SVEP1: variants seen among roughly 807,000 people sequenced by gnomAD.
SVEP1 encodes the protein sushi, von Willebrand factor type A, EGF and pentraxin domain containing 1.
A neutral mutation model predicts 367.3 loss-of-function variants in SVEP1; 164 were observed. That is an observed-to-expected ratio of 0.45 (90% CI 0.39 to 0.51). SVEP1 has a LOEUF of 0.51. SVEP1 is among the 20% of genes least tolerant of loss of function. SVEP1 has a pLI of 0.00. For missense variants in SVEP1, 4,117 were observed against 4,425.3 expected (o/e 0.93, Z 1.98); for synonymous variants, 1,666 against 1,611.6 (o/e 1.03, Z -0.81).
chr9:110,506,675 T>G (rs1829631324), intron 5 of SVEP1, among the ~76,000 whole-genome samples: 1 of 152,166 alleles, frequency 6.6e-6, no homozygotes, highest in African/African-American at 2.4e-5. Flanking sequence ...TGAAAGAGTT[T>G]ATAATCTTGT....
intron 5 of SVEP1, 129 bp downstream of exon 5, chr9:110,512,797 T>C (rs1331587119): frequency 1.8e-6 from 2 of 1,091,968 alleles, no homozygotes; most frequent in Non-Finnish European, 2.7e-6. Context: ...TCCTATAATT[T>C]TTCTCTTTCT....
At chr9:110,562,096 G>T (rs191832041) in intron 1 of SVEP1, among the ~76,000 whole-genome samples, 1 of 151,948 alleles carries the variant, frequency 6.6e-6, no homozygotes, top group Admixed American at 6.6e-5. Context: ...GAAATGGTAC[G>T]CACAGGAGTT....
Position 110,535,625 on chromosome 9 carries a change from T to G in SVEP1, c.964+10490A>C, listed in dbSNP as rs147834314. ...GAGGTATGGCCATAGTAATACTGAT[T>G]CTTCCTACCCATGAGCATGGAAGGT... On this transcript the variant is annotated intron_variant, in intron 3 of 47. Coordinates refer to ENST00000374469, the MANE Select transcript of SVEP1 (RefSeq NM_153366.4). Among the ~76,000 whole-genome samples, 11 of 152,274 alleles carry G rather than the reference T, an allele frequency of 7.2e-5. No homozygotes were observed. In the East Asian group the frequency reaches 2.1e-3, roughly 29 times the overall value.
At chr9:110,517,625 T>C (rs1431367659) in intron 3 of SVEP1, among the ~76,000 whole-genome samples, 1 of 140,444 alleles carries the variant, frequency 7.1e-6, no homozygotes, top group Non-Finnish European at 1.6e-5. Context: ...TGTAAAAAAT[T>C]AGGTGAGCAT....
At chr9:110,457,533 T>C (rs1372133859) in intron 20 of SVEP1, among the ~76,000 whole-genome samples, 181 bp from the exon 21 acceptor site, 1 of 152,286 alleles carries the variant, frequency 6.6e-6, no homozygotes, top group Non-Finnish European at 1.5e-5. Flanking sequence ...GGGGAGCAAA[T>C]GATATATATC....
chr9:110,458,837 A>C (rs1828815181), intron 19 of SVEP1, 115 bp downstream of exon 19: 4 of 1,316,136 alleles, frequency 3.0e-6, no homozygotes, highest in Admixed American at 5.1e-5. Context: ...CAATTTAACA[A>C]CTCCAGATGC....
At chr9:110,494,756 G>T (rs10980409) in intron 8 of SVEP1, among the ~76,000 whole-genome samples, 32,312 of 150,912 alleles carry the variant, frequency 0.21, 4,110 homozygotes, top group East Asian at 0.47. Context: ...ATATAGTGGG[G>T]TTTTTTTCCC....
At chr9:110,374,176 C>G (rs1827316668) in intron 46 of SVEP1, among the ~76,000 whole-genome samples, 2 of 152,124 alleles carry the variant, frequency 1.3e-5, no homozygotes, top group South Asian at 4.1e-4. Context: ...CAAGTAGGCT[C>G]CAGTGTCTAT....
In SVEP1 at chr9:110,375,483, A is replaced by AG; in HGVS notation, c.10505-21_10505-20insC. 6.6e-7 allele frequency: 1 copy of AG among 1,508,390 alleles called. No homozygotes were observed. Among genetic ancestry groups the AG allele is most frequent in the East Asian group, 2.5e-5 (1 of 40,420 alleles). 93.4% of individuals were successfully genotyped at this position (1,508,390 alleles called of 1,614,324 possible). A position where few individuals can be genotyped will look rare whatever the true frequency, so the allele number is the denominator to read the frequency against. ...AGATTGCTAAAAAAAAAAAAAAAAAAAAAAAAAGGAGGCAGGGGGGATTGA... is the reference window on the plus strand; with the variant it reads ...AGATTGCTAAAAAAAAAAAAAAAAAAGAAAAAAAGGAGGCAGGGGGGATTGA... On this transcript the variant is annotated intron_variant, in intron 45 of 47. Transcript: ENST00000374469.
At position 110,427,737 on chromosome 9, in the gene SVEP1, A is replaced by G; in HGVS notation, c.5829T>C (p.Ile1943=). Residue 1943 remains isoleucine (I), a synonymous_variant, in exon 36 of 48, where the codon ATT becomes ATC. Coordinates refer to ENST00000374469, the MANE Select transcript of SVEP1 (RefSeq NM_153366.4). ...TGYSLQGPSI[I]ECTASGIWDR... ...CCCAGATGCCAGAAGCCGTGCATTC[A>G]ATAATGGAAGGGCCCTGTAAGCTGC... The G allele has an allele frequency of 6.2e-7, 1 of 1,613,054 alleles. No homozygotes were observed. Among genetic ancestry groups the G allele is most frequent in the Non-Finnish European group, 8.5e-7 (1 of 1,179,478 alleles).
intron 47 of SVEP1, among the ~76,000 whole-genome samples, chr9:110,366,827 T>G (rs1046342457): frequency 1.3e-5 from 2 of 152,216 alleles, no homozygotes; most frequent in African/African-American, 4.8e-5. Flanking sequence ...CTTACAATTC[T>G]CTCTTCTGTA....
intron 6 of SVEP1, 138 bp downstream of exon 6, chr9:110,502,900 A>G: frequency 1.3e-6 from 1 of 799,030 alleles, no homozygotes; most frequent in Non-Finnish European, 1.9e-6. Flanking sequence ...TGTATCTGTA[A>G]CACCTGCACC....
At position 110,366,490 on chromosome 9, in the gene SVEP1, C is replaced by T. The variant is rs776848492; in HGVS notation, c.*49G>A. The T allele has an allele frequency of 1.9e-5, 29 of 1,527,812 alleles. No homozygotes were observed. In the African/African-American group the frequency reaches 2.7e-4, roughly 14 times the overall value. The allele number at this position is 1,527,812 out of a possible 1,614,324, so 94.6% of individuals were successfully genotyped here. ...AAGTTCCAGGATGCCCAGGCACTAC[C>T]GAGGAGAGATGATCCTGCTTTTGGG... On this transcript the variant is annotated 3_prime_UTR_variant, in exon 48 of 48. Transcript: ENST00000374469.
At chr9:110,387,552 T>C in intron 41 of SVEP1, 94 bp from the exon 42 acceptor site, 1 of 1,317,226 alleles carries the variant, frequency 7.6e-7, no homozygotes, top group South Asian at 1.6e-5. Context: ...ATGGAATATA[T>C]AAAATATTAT....
chr9:110,484,895 C>T (rs779993323), intron 9 of SVEP1, among the ~76,000 whole-genome samples: 4 of 152,152 alleles, frequency 2.6e-5, no homozygotes, highest in South Asian at 2.1e-4. Flanking sequence ...TACCATCTCA[C>T]GTCAGTCAGA....
intron 3 of SVEP1, among the ~76,000 whole-genome samples, chr9:110,527,255 G>C (rs978233372): frequency 6.6e-6 from 1 of 151,920 alleles, no homozygotes; most frequent in Non-Finnish European, 1.5e-5. Flanking sequence ...TCTTAAAATT[G>C]CATGTGACTC....
At chr9:110,570,440 G>T (rs1364677880) in intron 1 of SVEP1, among the ~76,000 whole-genome samples, 20 of 149,838 alleles carry the variant, frequency 1.3e-4, no homozygotes, top group African/African-American at 4.9e-4. Context: ...CTGACTTCTG[G>T]GAAACTAAGA....
intron 30 of SVEP1, among the ~76,000 whole-genome samples, chr9:110,433,308 C>G (rs989037588): frequency 3.1e-4 from 44 of 139,686 alleles, no homozygotes; most frequent in African/African-American, 1.1e-3. Context: ...CAGCAGTGAG[C>G]CAAACAAACA....
At position 110,450,224 on chromosome 9, in the gene SVEP1, G is replaced by C. The variant is rs775279035; in HGVS notation, c.3938C>G (p.Ser1313Ter). 1 of 1,613,746 alleles carries C rather than the reference G, an allele frequency of 6.2e-7. No individual in the cohort carries two copies. Among genetic ancestry groups the C allele is most frequent in the Admixed American group, 1.7e-5 (1 of 59,988 alleles). ...GACTGCATTATTTAAGCATGGGTTT[G>C]ACTGGCATTCATTGACTTCTGTTTC... ...HCETEVNECQ[S>*]NPCLNNAVCE... The change falls in exon 24 of 48, where the codon TCA (serine) becomes TGA (stop). Residue 1313 changes from serine to a stop codon, truncating the protein, a stop_gained. Transcript: ENST00000374469. LOFTEE classifies it high-confidence loss of function.
Sources: allele counts gnomAD v4.1 joint callset (sites outside exome capture counted in the v4.1 genomes callset), GRCh38; gene constraint gnomAD v4.1.1; transcripts MANE v1.5; gene names NCBI Gene and HGNC (gene_info 2026-07-23, HGNC 2026-07-21).